Variants in CNTN5 observed in about 807,000 individuals in gnomAD.
CNTN5 encodes the protein contactin 5.
CNTN5 carries 77 observed loss-of-function variants against 129.1 expected under a neutral mutation model. That is an observed-to-expected ratio of 0.60 (90% CI 0.50 to 0.72). The LOEUF is 0.72. CNTN5 is among the 30% of genes least tolerant of loss of function. The probability of loss-of-function intolerance (pLI) is 0.00; values close to 1 mark genes in which losing one functional copy is unlikely to be tolerated. For synonymous variants in CNTN5, 509 were observed against 465.6 expected, an observed-to-expected ratio of 1.09 and a Z score of -1.20; for missense variants, 1,478 against 1,328.8, an observed-to-expected ratio of 1.11 and a Z score of -1.75.
chr11:99,617,070 C>A (rs1369045432), intron 3 of CNTN5, among the ~76,000 whole-genome samples: 1 of 152,186 alleles, frequency 6.6e-6, no homozygotes, highest in Non-Finnish European at 1.5e-5. Context: ...AAGATTGTGC[C>A]ATTGCACTCT....
At chr11:99,971,173 T>C (rs1381418925) in intron 8 of CNTN5, among the ~76,000 whole-genome samples, 1 of 152,158 alleles carries the variant, frequency 6.6e-6, no homozygotes, top group East Asian at 1.9e-4. Flanking sequence ...TTTACCAGCT[T>C]GACATTTCAC....
At chr11:99,192,909 G>C (rs1448409638) in intron 1 of CNTN5, among the ~76,000 whole-genome samples, 2 of 151,930 alleles carry the variant, frequency 1.3e-5, no homozygotes, top group Non-Finnish European at 2.9e-5. Context: ...CAACATAAAT[G>C]ACCATCTCCA....
intron 9 of CNTN5, among the ~76,000 whole-genome samples, chr11:100,021,879 G>T (rs898147293): frequency 6.6e-6 from 1 of 152,162 alleles, no homozygotes; most frequent in African/African-American, 2.4e-5. Context: ...GAGTTAAAAA[G>T]CCAAAGAACT....
chr11:100,135,951 C>T (rs11821515), intron 13 of CNTN5, among the ~76,000 whole-genome samples: 4,081 of 152,014 alleles, frequency 0.027, 181 homozygotes, highest in African/African-American at 0.093. Flanking sequence ...CATTCCTGTT[C>T]GTAATTTATT....
At chr11:100,032,578 A>G (rs1028332791) in intron 9 of CNTN5, among the ~76,000 whole-genome samples, 10 of 152,236 alleles carry the variant, frequency 6.6e-5, no homozygotes, top group Non-Finnish European at 4.4e-5. Flanking sequence ...TTTTCTGGCC[A>G]GAATTTTATA....
At chr11:99,628,267 A>G (rs1432706533) in intron 3 of CNTN5, among the ~76,000 whole-genome samples, 5 of 152,008 alleles carry the variant, frequency 3.3e-5, no homozygotes, top group Non-Finnish European at 7.4e-5. Flanking sequence ...TAGAAATTTC[A>G]TTACCTATGC....
In CNTN5 at chr11:100,074,529, T is replaced by G. The variant is rs79390179; in HGVS notation, c.1580+235T>G. 43,471 of 399,618 alleles carry G rather than the reference T, an allele frequency of 0.11. 2,728 individuals carry two copies. The highest frequency in any genetic ancestry group is 0.15 in the East Asian group (3,493 of 23,404). The allele number at this position is 399,618 out of a possible 1,614,324, so 24.8% of individuals were successfully genotyped here. On this transcript the variant is annotated intron_variant, in intron 13 of 24. Transcript: ENST00000524871. ...GCATAAGTTGGATATTTCACTAGGT[T>G]TTGAAGAAAGTACTCTTTAATTAAA...
intron 2 of CNTN5, among the ~76,000 whole-genome samples, chr11:99,427,511 T>C (rs536932280): frequency 1.3e-5 from 2 of 152,154 alleles, no homozygotes; most frequent in South Asian, 2.1e-4. Flanking sequence ...TCACGCCTGT[T>C]ATCCCAGCAC....
At chr11:99,895,202 C>T (rs1347179384) in intron 6 of CNTN5, among the ~76,000 whole-genome samples, 1 of 152,174 alleles carries the variant, frequency 6.6e-6, no homozygotes, top group Non-Finnish European at 1.5e-5. Context: ...GGGACAATGT[C>T]TCACCTTAGT....
chr11:99,412,649 G>A (rs1297101869), intron 2 of CNTN5, among the ~76,000 whole-genome samples: 1 of 152,162 alleles, frequency 6.6e-6, no homozygotes, highest in Non-Finnish European at 1.5e-5. Flanking sequence ...GTTTCACAGA[G>A]AAGGAAACAG....
intron 3 of CNTN5, among the ~76,000 whole-genome samples, chr11:99,743,316 A>G (rs774885831): frequency 3.3e-4 from 50 of 152,190 alleles, no homozygotes; most frequent in Non-Finnish European, 1.5e-4. Flanking sequence ...GATTTATCCT[A>G]CTATCACAAA....
intron 1 of CNTN5, among the ~76,000 whole-genome samples, chr11:99,067,424 T>TAA (rs11330416): frequency 1.5e-5 from 2 of 135,606 alleles, no homozygotes; most frequent in African/African-American, 5.3e-5. Flanking sequence ...CAATGTTGAC[T>TAA]AAAAAAAAAA....
At chr11:100,230,767 T>A (rs1216592309) in intron 16 of CNTN5, among the ~76,000 whole-genome samples, 1 of 152,220 alleles carries the variant, frequency 6.6e-6, no homozygotes, top group Non-Finnish European at 1.5e-5. Flanking sequence ...TGAGACATTC[T>A]CAGGTTTCTT....
intron 8 of CNTN5, among the ~76,000 whole-genome samples, chr11:99,965,032 C>T (rs1222959175): frequency 6.6e-6 from 1 of 151,978 alleles, no homozygotes; most frequent in African/African-American, 2.4e-5. Context: ...TTTATTGCGT[C>T]TATTTGATTC....
intron 6 of CNTN5, among the ~76,000 whole-genome samples, chr11:99,879,094 C>A (rs188470030): frequency 9.1e-4 from 138 of 151,978 alleles, no homozygotes; most frequent in African/African-American, 3.3e-3. Context: ...CGTACCACTA[C>A]GCCCAGTTAA....
At chr11:99,759,916 A>G (rs533319696) in intron 3 of CNTN5, among the ~76,000 whole-genome samples, 1 of 152,220 alleles carries the variant, frequency 6.6e-6, no homozygotes, top group African/African-American at 2.4e-5. Context: ...ACTGACAGAG[A>G]AACTGTGCTG....
rs536378666 is a variant in CNTN5 at position 99,107,896 on chromosome 11, A to C, written c.-210+86626A>C. On this transcript the variant is annotated intron_variant, in intron 1 of 24. Transcript: ENST00000524871. ...CAGTGAGCCAAGATCGCACCACTGC[A>C]CTCCAGCCTGGGCAACAGAGCGAGA... Among the ~76,000 whole-genome samples, 455 of 147,510 alleles carry C rather than the reference A, an allele frequency of 3.1e-3. 2 individuals are homozygous for C. The highest frequency in any genetic ancestry group is 0.011 in the African/African-American group (432 of 39,926).
intron 1 of CNTN5, among the ~76,000 whole-genome samples, chr11:99,178,314 CCACACACACACACACACACACACA>C (rs71046672): frequency 1.9e-4 from 24 of 125,574 alleles, no homozygotes; most frequent in South Asian, 2.9e-4. Context: ...GACCTCATCT[CCACACACACACACACACACACACA>C]CACACACACA....
intron 3 of CNTN5, among the ~76,000 whole-genome samples, chr11:99,626,822 C>G (rs184804534): frequency 2.0e-5 from 3 of 152,122 alleles, no homozygotes; most frequent in Admixed American, 2.0e-4. Context: ...ACAGATGCCC[C>G]AAATACTGAC....
Sources: allele counts gnomAD v4.1 joint callset (sites outside exome capture counted in the v4.1 genomes callset), GRCh38; gene constraint gnomAD v4.1.1; transcripts MANE v1.5; gene names NCBI Gene and HGNC (gene_info 2026-07-23, HGNC 2026-07-21).